Variants in RBFOX1 observed in about 807,000 individuals in gnomAD.
RBFOX1 encodes RNA binding protein fox-1 homolog 1.
A neutral mutation model predicts 57.7 loss-of-function variants in RBFOX1; 8 were observed. That is an observed-to-expected ratio of 0.14 (90% CI 0.08 to 0.25). The LOEUF is 0.25. Among genes scored for constraint, RBFOX1 ranks in the 10% least tolerant of loss-of-function variants. RBFOX1 has a pLI of 1.00. For synonymous variants in RBFOX1, 326 were observed against 222.4 expected, an observed-to-expected ratio of 1.47 and a Z score of -4.15; for missense variants, 611 against 548.5, an observed-to-expected ratio of 1.11 and a Z score of -1.14.
chr16:5,373,708 A>G (rs1451641453), intron 1 of RBFOX1, among the ~76,000 whole-genome samples: 1 of 147,282 alleles, frequency 6.8e-6, no homozygotes, highest in Non-Finnish European at 1.5e-5. Flanking sequence ...GGTTCAGGCT[A>G]TTCTCCTGTC....
At chr16:5,496,483 C>G (rs1455806672) in intron 2 of RBFOX1, among the ~76,000 whole-genome samples, 1 of 152,108 alleles carries the variant, frequency 6.6e-6, no homozygotes, top group Non-Finnish European at 1.5e-5. Context: ...GCAGTGGTCT[C>G]TCTAGTCACA....
chr16:5,313,677 T>G (rs1033957070), intron 1 of RBFOX1, among the ~76,000 whole-genome samples: 1 of 152,152 alleles, frequency 6.6e-6, no homozygotes, highest in Non-Finnish European at 1.5e-5. Context: ...AGAGAGAGTT[T>G]GTGTAGGGGA....
intron 1 of RBFOX1, among the ~76,000 whole-genome samples, chr16:6,237,901 G>A (rs937564679): frequency 1.3e-5 from 2 of 151,850 alleles, no homozygotes; most frequent in African/African-American, 4.8e-5. Flanking sequence ...AGATCATCCT[G>A]GTCAACATGT....
intron 3 of RBFOX1, among the ~76,000 whole-genome samples, chr16:6,937,330 C>A (rs550156189): frequency 1.3e-5 from 2 of 152,274 alleles, no homozygotes; most frequent in African/African-American, 2.4e-5. Context: ...AACCACCCCA[C>A]ATGCACAATG....
chr16:6,917,228 C>T (rs978090448), intron 3 of RBFOX1, among the ~76,000 whole-genome samples: 42 of 152,148 alleles, frequency 2.8e-4, no homozygotes, highest in Admixed American at 1.2e-3. Context: ...TCAGTGGCCA[C>T]CTTGGTCCCC....
chr16:7,701,477 C>A (rs1023628605), intron 14 of RBFOX1, among the ~76,000 whole-genome samples: 1 of 152,144 alleles, frequency 6.6e-6, no homozygotes, highest in African/African-American at 2.4e-5. Flanking sequence ...TTTTGAGAAT[C>A]TAATGCCTGA....
intron 4 of RBFOX1, among the ~76,000 whole-genome samples, chr16:7,408,672 A>G (rs1386435534): frequency 6.6e-6 from 1 of 152,160 alleles, no homozygotes; most frequent in Non-Finnish European, 1.5e-5. Context: ...CACCATTGAC[A>G]TTTTAGGCCG....
intron 4 of RBFOX1, among the ~76,000 whole-genome samples, chr16:7,338,154 C>T (rs896943475): frequency 6.6e-6 from 1 of 152,148 alleles, no homozygotes; most frequent in Admixed American, 6.5e-5. Context: ...AACCCATCAC[C>T]GATGTATTTA....
At chr16:5,818,945 A>T (rs2055746329) in intron 3 of RBFOX1, among the ~76,000 whole-genome samples, 1 of 152,160 alleles carries the variant, frequency 6.6e-6, no homozygotes, top group East Asian at 1.9e-4. Flanking sequence ...CCATCCTTAC[A>T]ATGGATGGGT....
At chr16:7,431,226 A>G (rs901687268) in intron 4 of RBFOX1, 2 of 151,796 alleles carry the variant, frequency 1.3e-5, no homozygotes, top group Non-Finnish European at 2.9e-5. Flanking sequence ...TTTTATTATT[A>G]TTGTTGTTGT....
chr16:7,632,176 T>C (rs920085184), intron 11 of RBFOX1, among the ~76,000 whole-genome samples: 32 of 152,186 alleles, frequency 2.1e-4, no homozygotes, highest in Admixed American at 2.1e-3. Context: ...CCCAAAGTAC[T>C]GGAATTACAG....
chr16:7,488,923 C>G (rs1463819136), intron 4 of RBFOX1, among the ~76,000 whole-genome samples: 1 of 152,204 alleles, frequency 6.6e-6, no homozygotes, highest in African/African-American at 2.4e-5. Context: ...ATCAATCCAT[C>G]AGTCTGTATA....
intron 3 of RBFOX1, among the ~76,000 whole-genome samples, chr16:5,752,313 A>G (rs1267869062): frequency 6.6e-6 from 1 of 152,234 alleles, no homozygotes; most frequent in Admixed American, 6.5e-5. Context: ...AGGATCAGGA[A>G]AAACAACTAA....
At chr16:7,008,391 A>C (rs1043587251) in intron 3 of RBFOX1, among the ~76,000 whole-genome samples, 7 of 151,890 alleles carry the variant, frequency 4.6e-5, no homozygotes, top group Non-Finnish European at 7.4e-5. Context: ...AAAATACAAA[A>C]ATTAGCCAGG....
chr16:6,970,186 TAAAAA>T (rs750338949), intron 3 of RBFOX1, among the ~76,000 whole-genome samples: 161 of 148,144 alleles, frequency 1.1e-3, no homozygotes, highest in Middle Eastern at 3.4e-3. Flanking sequence ...GGGAAAAAAA[TAAAAA>T]AGAAAGAAAC....
At chr16:7,030,534 A>C (rs2042523281) in intron 3 of RBFOX1, among the ~76,000 whole-genome samples, 2 of 150,992 alleles carry the variant, frequency 1.3e-5, no homozygotes, top group Admixed American at 6.6e-5. Context: ...TGGCCACATC[A>C]CTCTAGTCTC....
intron 2 of RBFOX1, among the ~76,000 whole-genome samples, chr16:6,519,764 G>A (rs556362313): frequency 3.9e-5 from 6 of 152,166 alleles, no homozygotes; most frequent in South Asian, 2.1e-4. Context: ...TTGTATGCCC[G>A]GTTCTGTATT....
At chr16:6,082,718 C>T (rs1268210003) in intron 1 of RBFOX1, among the ~76,000 whole-genome samples, 2 of 152,092 alleles carry the variant, frequency 1.3e-5, no homozygotes, top group Admixed American at 1.3e-4. Flanking sequence ...GTTCTCTGAG[C>T]ACACAGAGAA....
intron 11 of RBFOX1, among the ~76,000 whole-genome samples, chr16:7,649,195 A>G (rs1353762165): frequency 1.3e-5 from 2 of 152,220 alleles, no homozygotes; most frequent in African/African-American, 2.4e-5. Flanking sequence ...ACCCCTTGGT[A>G]TAATACTTGT....
Sources: allele counts gnomAD v4.1 joint callset (sites outside exome capture counted in the v4.1 genomes callset), GRCh38; gene constraint gnomAD v4.1.1; transcripts MANE v1.5; gene names NCBI Gene and HGNC (gene_info 2026-07-23, HGNC 2026-07-21).